SLC5A11: variants seen among roughly 807,000 people sequenced by gnomAD.
SLC5A11 encodes solute carrier family 5 member 11, also known as sodium/myo-inositol cotransporter 2.
In SLC5A11, 48 loss-of-function variants were observed where a neutral mutation model predicts 69.8. The observed-to-expected ratio is 0.69, with a 90% CI of 0.55 to 0.87. The LOEUF is 0.87. Among genes scored for constraint, SLC5A11 ranks in the 40% least tolerant of loss-of-function variants. The probability of loss-of-function intolerance (pLI) is 0.00; values close to 1 mark genes in which losing one functional copy is unlikely to be tolerated. For missense variants in SLC5A11, 784 were observed against 866.1 expected (o/e 0.91, Z 1.19); for synonymous variants, 319 against 342.4 (o/e 0.93, Z 0.75).
intron 3 of SLC5A11, among the ~76,000 whole-genome samples, chr16:24,867,159 G>A (rs902110972): frequency 6.6e-6 from 1 of 152,088 alleles, no homozygotes; most frequent in Admixed American, 6.6e-5. Flanking sequence ...AATTTAAAAT[G>A]ATTGAAATAA....
intron 7 of SLC5A11, among the ~76,000 whole-genome samples, chr16:24,880,011 A>T (rs1172274379): frequency 1.3e-5 from 2 of 152,146 alleles, no homozygotes; most frequent in African/African-American, 4.8e-5. Context: ...TGGTAGGATG[A>T]CTTATTTTCC....
At chr16:24,861,565 A>G (rs1050972498) in intron 2 of SLC5A11, among the ~76,000 whole-genome samples, 1 of 149,502 alleles carries the variant, frequency 6.7e-6, no homozygotes, top group Non-Finnish European at 1.5e-5. Flanking sequence ...AAAAGAAAGA[A>G]AGAGAGAGAA....
At chr16:24,878,269 A>C (rs1265881877) in intron 7 of SLC5A11, among the ~76,000 whole-genome samples, 1 of 152,236 alleles carries the variant, frequency 6.6e-6, no homozygotes, top group African/African-American at 2.4e-5. Context: ...AGCCATGTGC[A>C]CTCACAGGCA....
intron 10 of SLC5A11, among the ~76,000 whole-genome samples, chr16:24,901,979 CACAT>C (rs2049662084): frequency 6.7e-6 from 1 of 149,194 alleles, no homozygotes; most frequent in Admixed American, 6.7e-5. Context: ...CACACACACA[CACAT>C]ATATAGTAGT....
At chr16:24,902,550 T>C (rs1156982878) in intron 10 of SLC5A11, among the ~76,000 whole-genome samples, 1 of 150,784 alleles carries the variant, frequency 6.6e-6, no homozygotes, top group Non-Finnish European at 1.5e-5. Flanking sequence ...TCAAGTCTTT[T>C]TTTTTTTTTT....
chr16:24,882,466 G>A (rs2048110220), intron 7 of SLC5A11, among the ~76,000 whole-genome samples: 3 of 152,072 alleles, frequency 2.0e-5, no homozygotes, highest in African/African-American at 7.2e-5. Context: ...CCTCACCCAC[G>A]GGCACAGGGT....
chr16:24,847,240 C>T (rs2059061287), intron 1 of SLC5A11, among the ~76,000 whole-genome samples: 1 of 149,912 alleles, frequency 6.7e-6, no homozygotes, highest in Non-Finnish European at 1.5e-5. Flanking sequence ...CTTTCTCCTT[C>T]CTTCTTTCCT....
chr16:24,849,593 A>AAAAAAAAAATATATATATATATATATAT, intron 1 of SLC5A11, among the ~76,000 whole-genome samples: 1 of 35,922 alleles, frequency 2.8e-5, no homozygotes, highest in Non-Finnish European at 5.6e-5. Flanking sequence ...AAAAAAAAAA[A>AAAAAAAAAATATATATATATATATATAT]ATATATATAT....
At chr16:24,858,889 A>T (rs551192138) in intron 2 of SLC5A11, 111 bp downstream of exon 3, 1 of 1,353,018 alleles carries the variant, frequency 7.4e-7, no homozygotes, top group Admixed American at 2.7e-5. Context: ...TGAGAGGAAG[A>T]AACTAACACA....
At chr16:24,905,418 G>A (rs2049962582) in intron 10 of SLC5A11, among the ~76,000 whole-genome samples, 1 of 151,426 alleles carries the variant, frequency 6.6e-6, no homozygotes, top group South Asian at 2.1e-4. Flanking sequence ...CTCCAGTCTG[G>A]GCGACAGAGT....
At chr16:24,899,304 G>C (rs943855195) in intron 10 of SLC5A11, among the ~76,000 whole-genome samples, 1 of 152,204 alleles carries the variant, frequency 6.6e-6, no homozygotes, top group African/African-American at 2.4e-5. Flanking sequence ...AGGTCTTGTG[G>C]TTCCAGAGCA....
At chr16:24,876,182 C>A (rs866227653) in intron 6 of SLC5A11, among the ~76,000 whole-genome samples, 19 of 142,558 alleles carry the variant, frequency 1.3e-4, no homozygotes, top group South Asian at 1.1e-3. Context: ...GGTGAAAGAG[C>A]GAGACTCTGT....
chr16:24,887,617 A>G (rs1284785189), intron 8 of SLC5A11, among the ~76,000 whole-genome samples: 1 of 152,172 alleles, frequency 6.6e-6, no homozygotes, highest in Non-Finnish European at 1.5e-5. Context: ...AATGCAAAGT[A>G]ATAGTAAAAA....
At chr16:24,886,389 TAAAAG>T (rs10617170) in intron 8 of SLC5A11, among the ~76,000 whole-genome samples, 58,472 of 151,598 alleles carry the variant, frequency 0.39, 12,467 homozygotes, top group Non-Finnish European at 0.49. Flanking sequence ...AATAAAATTA[TAAAAG>T]AAAAGATGAC....
chr16:24,894,184 A>T (rs1400128074), intron 9 of SLC5A11, among the ~76,000 whole-genome samples: 1 of 152,128 alleles, frequency 6.6e-6, no homozygotes, highest in African/African-American at 2.4e-5. Context: ...TGCACTTTAA[A>T]TCGCTCCATT....
intron 1 of SLC5A11, among the ~76,000 whole-genome samples, chr16:24,856,005 CCT>C (rs2059512516): frequency 6.6e-6 from 1 of 152,210 alleles, no homozygotes; most frequent in Non-Finnish European, 1.5e-5. Flanking sequence ...AAGGCTGCCC[CCT>C]GTCTGATCAT....
chr16:24,885,656 C>CAAAAA (rs748412604), intron 8 of SLC5A11, among the ~76,000 whole-genome samples: 6 of 65,934 alleles, frequency 9.1e-5, no homozygotes, highest in South Asian at 7.7e-4. Flanking sequence ...GACCCTGTCT[C>CAAAAA]AAAAAAAAAA....
At chr16:24,873,250 G>GAAGA (rs1193219471) in intron 5 of SLC5A11, among the ~76,000 whole-genome samples, 166 of 68,874 alleles carry the variant, frequency 2.4e-3, no homozygotes, top group Non-Finnish European at 4.1e-3. Flanking sequence ...AGGGAGGGAG[G>GAAGA]AAGGAAGGAA....
chr16:24,907,678 G>A (rs947918840), intron 12 of SLC5A11, among the ~76,000 whole-genome samples: 7 of 150,818 alleles, frequency 4.6e-5, no homozygotes, highest in East Asian at 1.9e-4. Context: ...CTGCACTCCC[G>A]CCTGGGTGAC....
Sources: gnomAD v4.1 joint callset for allele counts (sites outside exome capture counted in the v4.1 genomes callset) on GRCh38, gnomAD v4.1.1 for gene constraint, MANE v1.5 for transcripts, NCBI Gene and HGNC (gene_info 2026-07-23, HGNC 2026-07-21) for gene names.